Variants in POC1B observed in about 807,000 individuals in gnomAD.
POC1B encodes the protein POC1 centriolar protein B, also known as POC1 centriolar protein homolog B.
A neutral mutation model predicts 60.6 loss-of-function variants in POC1B; 44 were observed. The ratio of observed to expected loss-of-function variants is 0.73; its 90% CI spans 0.57 to 0.93. The LOEUF is 0.93. Ranked by LOEUF, POC1B falls within the 40% of genes least tolerant of loss-of-function variation. The pLI is 0.00. For synonymous variants in POC1B, 180 were observed against 198.9 expected (o/e 0.90, Z 0.80); for missense variants, 555 against 572.3 (o/e 0.97, Z 0.31).
chr12:89,524,483 T>C (rs772244715), intron 2 of POC1B: 7 of 1,613,228 alleles, frequency 4.3e-6, no homozygotes, highest in Admixed American at 3.3e-5. Flanking sequence ...TCCACGAAGA[T>C]ATAGGCCACT....
intron 2 of POC1B, chr12:89,522,992 T>C (rs780255035): frequency 1.2e-6 from 2 of 1,613,986 alleles, no homozygotes; most frequent in Non-Finnish European, 1.7e-6. Context: ...AACCCATCTT[T>C]GGGACAATTT....
intron 4 of POC1B, among the ~76,000 whole-genome samples, chr12:89,480,786 G>C (rs1883302600): frequency 6.6e-6 from 1 of 152,090 alleles, no homozygotes; most frequent in South Asian, 2.1e-4. Flanking sequence ...ATTTTTAGTA[G>C]AGATGGAGTT....
intron 2 of POC1B, chr12:89,501,701 T>A: frequency 1.0e-6 from 1 of 977,040 alleles, no homozygotes; most frequent in Non-Finnish European, 1.6e-6. Context: ...TGGTGGGTGG[T>A]AAAATCAGAG....
chr12:89,523,341 T>C, intron 2 of POC1B: 2 of 1,614,058 alleles, frequency 1.2e-6, no homozygotes, highest in South Asian at 1.1e-5. Context: ...CATAAGCTTC[T>C]TTTCTTGCTG....
At position 89,483,272 on chromosome 12, in the gene POC1B, G is replaced by T. The variant is rs150233744; in HGVS notation, c.452+8664C>A. ...TTTATAAGGGGCTTTTCCCCCTTTT[G>T]CTCAGCACTTCTCCTTGCTGCCACC... On this transcript the variant is annotated intron_variant, in intron 4 of 11. Coordinates refer to ENST00000313546, the MANE Select transcript of POC1B (RefSeq NM_172240.3). Among the ~76,000 whole-genome samples, 782 of 152,180 alleles carry T rather than the reference G, an allele frequency of 5.1e-3. 10 individuals carry two copies. Among genetic ancestry groups the T allele is most frequent in the African/African-American group, 0.018 (733 of 41,542 alleles).
intron 4 of POC1B, among the ~76,000 whole-genome samples, chr12:89,479,632 CT>C (rs1339292416): frequency 6.6e-6 from 1 of 152,032 alleles, no homozygotes; most frequent in Non-Finnish European, 1.5e-5. Context: ...TCCTCTTACA[CT>C]AATGGGCACC....
chr12:89,449,825 T>C (rs1881967104), intron 10 of POC1B, among the ~76,000 whole-genome samples: 1 of 151,896 alleles, frequency 6.6e-6, no homozygotes, highest in Admixed American at 6.6e-5. Context: ...CAAGAACAAA[T>C]AGATCAAGAA....
intron 3 of POC1B, among the ~76,000 whole-genome samples, chr12:89,496,623 G>A (rs1358415413): frequency 6.6e-6 from 1 of 152,104 alleles, no homozygotes; most frequent in African/African-American, 2.4e-5. Context: ...CTATTAGTTA[G>A]GGTTTGAAAA....
At chr12:89,518,789 A>G (rs1565759771) in intron 2 of POC1B, among the ~76,000 whole-genome samples, 1 of 152,212 alleles carries the variant, frequency 6.6e-6, no homozygotes, top group African/African-American at 2.4e-5. Flanking sequence ...ACAGAGCTGC[A>G]AGTCACTTAG....
intron 9 of POC1B, chr12:89,461,861 G>A (rs1241200700): frequency 6.6e-6 from 1 of 152,184 alleles, no homozygotes; most frequent in Non-Finnish European, 1.5e-5. Flanking sequence ...CAGAGTTGAG[G>A]TAAAGAACAG....
chr12:89,443,635 C>T (rs1419144283), intron 10 of POC1B, among the ~76,000 whole-genome samples: 2 of 144,192 alleles, frequency 1.4e-5, no homozygotes, highest in African/African-American at 5.2e-5. Context: ...GCACTAAATG[C>T]CCACAAGAGA....
the POC1B span, among the ~76,000 whole-genome samples, chr12:89,413,255 G>C: frequency 6.6e-6 from 1 of 152,064 alleles, no homozygotes; most frequent in Non-Finnish European, 1.5e-5. Flanking sequence ...ACCCAGGCTG[G>C]AGTGCACTGG....
chr12:89,461,634 G>A (rs1882486923), intron 9 of POC1B: 1 of 152,210 alleles, frequency 6.6e-6, no homozygotes, highest in African/African-American at 2.4e-5. Context: ...TGCTTGATGG[G>A]TATGGCTGTA....
chr12:89,462,881 T>G (rs1014214300), intron 9 of POC1B, among the ~76,000 whole-genome samples: 3 of 152,154 alleles, frequency 2.0e-5, no homozygotes, highest in African/African-American at 2.4e-5. Context: ...CTGTTAGACT[T>G]TATCATCATG....
chr12:89,421,925 T>C (rs1880550948), intron 11 of POC1B, among the ~76,000 whole-genome samples: 1 of 152,180 alleles, frequency 6.6e-6, no homozygotes, highest in South Asian at 2.1e-4. Flanking sequence ...CCAGAATACA[T>C]ATACAAACAC....
intron 10 of POC1B, among the ~76,000 whole-genome samples, chr12:89,434,804 T>G (rs891041015): frequency 3.9e-5 from 6 of 152,230 alleles, no homozygotes; most frequent in Non-Finnish European, 8.8e-5. Context: ...CACAACATGC[T>G]AAGTGAATAA....
chr12:89,496,966 A>C, intron 3 of POC1B: 2 of 562,224 alleles, frequency 3.6e-6, no homozygotes, highest in Non-Finnish European at 6.2e-6. Flanking sequence ...GCATATTTCC[A>C]TGGTAGGAAA....
chr12:89,524,117 T>C (rs1040056316), intron 2 of POC1B: 3 of 1,613,918 alleles, frequency 1.9e-6, no homozygotes, highest in Non-Finnish European at 2.5e-6. Flanking sequence ...CAGGCTTCGT[T>C]ATAGAAAGCA....
chr12:89,423,189 T>C (rs1004599193), intron 11 of POC1B, among the ~76,000 whole-genome samples: 1 of 152,056 alleles, frequency 6.6e-6, no homozygotes, highest in Non-Finnish European at 1.5e-5. Flanking sequence ...GTTGTTGCTG[T>C]TGTTGTTGTT....
Sources: gnomAD v4.1 joint callset for allele counts (sites outside exome capture counted in the v4.1 genomes callset) on GRCh38, gnomAD v4.1.1 for gene constraint, MANE v1.5 for transcripts, NCBI Gene and HGNC (gene_info 2026-07-23, HGNC 2026-07-21) for gene names.